The following ATE1 variants were observed in gnomAD, a reference collection of about 807,000 sequenced individuals.
ATE1 encodes the protein arginyltransferase 1.
A neutral mutation model predicts 70.5 loss-of-function variants in ATE1; 36 were observed. That is an observed-to-expected ratio of 0.51 (90% confidence interval 0.39 to 0.67). ATE1 has a LOEUF of 0.67. Among genes scored for constraint, ATE1 ranks in the 30% least tolerant of loss-of-function variants. The pLI, the probability that ATE1 is intolerant of heterozygous loss-of-function variation, is 0.00. For missense variants in ATE1, 593 were observed against 629.5 expected, an observed-to-expected ratio of 0.94 and a Z score of 0.62; for synonymous variants, 232 against 219.3, an observed-to-expected ratio of 1.06 and a Z score of -0.51.
At chr10:121,908,330 C>T (rs545771789) in intron 5 of ATE1, among the ~76,000 whole-genome samples, 109 of 152,184 alleles carry the variant, frequency 7.2e-4, no homozygotes, top group Admixed American at 2.1e-3. Flanking sequence ...ATGGCTAAAC[C>T]CCGTCTCTAC....
At chr10:121,762,548 T>C (rs1404775837) in intron 11 of ATE1, among the ~76,000 whole-genome samples, 1 of 152,190 alleles carries the variant, frequency 6.6e-6, no homozygotes, top group East Asian at 1.9e-4. Flanking sequence ...GTGGATTTTC[T>C]CAAGGTACTC....
intron 8 of ATE1, among the ~76,000 whole-genome samples, 159 bp from the exon 9 acceptor site, chr10:121,841,422 T>C (rs1227656807): frequency 6.6e-6 from 1 of 152,176 alleles, no homozygotes; most frequent in African/African-American, 2.4e-5. Context: ...TGCAAAACTT[T>C]TTCATCATAG....
chr10:121,861,942 G>A (rs1949488879), intron 8 of ATE1, among the ~76,000 whole-genome samples: 2 of 152,106 alleles, frequency 1.3e-5, no homozygotes, highest in African/African-American at 2.4e-5. Context: ...TCAGTACCAA[G>A]AGCAGAGTGC....
At chr10:121,781,635 C>T (rs1260132744) in intron 11 of ATE1, among the ~76,000 whole-genome samples, 1 of 152,184 alleles carries the variant, frequency 6.6e-6, no homozygotes, top group Non-Finnish European at 1.5e-5. Flanking sequence ...GAATGGAAGG[C>T]CGTGTTGCAA....
chr10:121,917,189 C>T (rs921048198), intron 3 of ATE1, among the ~76,000 whole-genome samples: 6 of 151,916 alleles, frequency 3.9e-5, no homozygotes, highest in South Asian at 2.1e-4. Context: ...CCAGGCTGAC[C>T]GTGATGCTTC....
chr10:121,923,049 A>G (rs937659014), intron 2 of ATE1, among the ~76,000 whole-genome samples: 5 of 152,132 alleles, frequency 3.3e-5, no homozygotes, highest in African/African-American at 1.2e-4. Context: ...ATAGCGCAAT[A>G]ACCTTTGAAC....
In ATE1 at chr10:121,864,602, TA is replaced by T. The variant is rs551238861; in HGVS notation, c.975+5403del. On this transcript the variant is annotated intron_variant, in intron 8 of 11. Coordinates refer to ENST00000224652, the MANE Select transcript of ATE1 (RefSeq NM_001001976.3). Reference sequence around the variant, plus strand: ...AGACCATTTATATTTAGTACCATCATAATCAGTAGGGTTGAATTTAAGTGGG... The same window carrying T: ...AGACCATTTATATTTAGTACCATCATATCAGTAGGGTTGAATTTAAGTGGG... Among the ~76,000 whole-genome samples, 9 of 152,368 alleles carry T rather than the reference TA, an allele frequency of 5.9e-5. No individual in the cohort carries two copies. The South Asian group carries it at 1.9e-3, about 32-fold the overall frequency.
intron 7 of ATE1, among the ~76,000 whole-genome samples, chr10:121,886,901 C>T (rs1950417439): frequency 6.6e-6 from 1 of 151,984 alleles, no homozygotes; most frequent in Admixed American, 6.6e-5. Flanking sequence ...CTCTAATACA[C>T]TGAATAATTT....
Position 121,841,254 on chromosome 10 carries a change from G to T in ATE1, c.985C>A (p.Pro329Thr), listed in dbSNP as rs143759967. 1.3e-6 allele frequency: 2 copies of T among 1,510,456 alleles called. No individual in the cohort carries two copies. The highest frequency in any genetic ancestry group is 1.9e-5 in the Admixed American group (1 of 53,872). 93.6% of individuals were successfully genotyped at this position (1,510,456 alleles called of 1,614,324 possible). The part of the protein sequence containing the change: ...LCSSPLEAET[P>T]PNGPDCGYGS... ...TAGCCACAATCTGGCCCATTAGGGG[G>T]AGTCTCTGCCTAAGAAAAAGCAGAG... is the stretch of plus-strand genomic sequence containing the variant. Residue 329 changes from proline (P) to threonine (T), a missense_variant, in exon 9 of 12, where the codon CCC becomes ACC. Pro to Thr is a conservative substitution (Grantham distance 38). Around this residue, in one of 3 missense-constraint regions of ATE1, gnomAD observed 467 missense variants for 469.6 expected, o/e 0.99. Transcript: ENST00000224652.
chr10:121,846,230 A>G (rs1948816695), intron 8 of ATE1, among the ~76,000 whole-genome samples: 1 of 152,194 alleles, frequency 6.6e-6, no homozygotes, highest in Non-Finnish European at 1.5e-5. Context: ...AGCCAGAACA[A>G]TCTGAGCAAC....
chr10:121,797,609 G>A (rs1304280978), intron 10 of ATE1, among the ~76,000 whole-genome samples: 3 of 145,094 alleles, frequency 2.1e-5, no homozygotes, highest in African/African-American at 7.7e-5. Flanking sequence ...AAAAAAATAC[G>A]AAGACATGGC....
intron 8 of ATE1, among the ~76,000 whole-genome samples, chr10:121,856,021 A>G (rs1949235219): frequency 6.7e-6 from 1 of 150,114 alleles, no homozygotes; most frequent in Non-Finnish European, 1.5e-5. Context: ...GACTGCAGTG[A>G]GCTGAGATCA....
At chr10:121,863,348 G>C (rs970934161) in intron 8 of ATE1, among the ~76,000 whole-genome samples, 10 of 151,018 alleles carry the variant, frequency 6.6e-5, no homozygotes, top group Non-Finnish European at 1.5e-4. Flanking sequence ...CCGCCTCCCG[G>C]GTTCAAGCGA....
intron 10 of ATE1, among the ~76,000 whole-genome samples, chr10:121,834,536 A>G (rs1327995383): frequency 2.0e-5 from 3 of 152,158 alleles, no homozygotes; most frequent in Admixed American, 6.5e-5. Context: ...TAAAATCTTT[A>G]ACTTAAAACT....
At chr10:121,867,451 G>A (rs1949701541) in intron 8 of ATE1, among the ~76,000 whole-genome samples, 1 of 152,204 alleles carries the variant, frequency 6.6e-6, no homozygotes, top group Admixed American at 6.5e-5. Context: ...GCTAAAATGA[G>A]AGCAAAGCAT....
chr10:121,815,848 T>TC (rs1947519954), intron 10 of ATE1, among the ~76,000 whole-genome samples: 1 of 152,148 alleles, frequency 6.6e-6, no homozygotes, highest in South Asian at 2.1e-4. Flanking sequence ...GCTAGATAAT[T>TC]CCCCCTTGCT....
chr10:121,812,990 T>G (rs993976485), intron 10 of ATE1, among the ~76,000 whole-genome samples: 3 of 152,244 alleles, frequency 2.0e-5, no homozygotes, highest in Non-Finnish European at 2.9e-5. Context: ...ACATTCTGTT[T>G]GTCACTGATA....
rs575140136 is a variant in ATE1, at chr10:121,795,274, A to T, written c.1258-4985T>A. Among the ~76,000 whole-genome samples, 265 of 152,292 alleles carry T rather than the reference A, an allele frequency of 1.7e-3. 1 individual carries two copies. The highest frequency in any genetic ancestry group is 5.7e-3 in the African/African-American group (235 of 41,564). On this transcript the variant is annotated intron_variant, in intron 10 of 11. Coordinates refer to ENST00000224652, the MANE Select transcript of ATE1 (RefSeq NM_001001976.3). ...AAAAAAATAAAAATAAAAATTTTTTAAAAAAAGAATATTTAGTCAATGAAC... is the reference window on the plus strand; with the variant it reads ...AAAAAAATAAAAATAAAAATTTTTTTAAAAAAGAATATTTAGTCAATGAAC...
intron 10 of ATE1, among the ~76,000 whole-genome samples, chr10:121,821,211 T>C (rs1271330203): frequency 6.6e-6 from 1 of 152,192 alleles, no homozygotes; most frequent in Non-Finnish European, 1.5e-5. Context: ...CCCAAAGTGC[T>C]GAGATTCCTG....
Sources: allele counts gnomAD v4.1 joint callset (sites outside exome capture counted in the v4.1 genomes callset), GRCh38; gene constraint gnomAD v4.1.1; regional missense constraint gnomAD v4.1.1; transcripts MANE v1.5; gene names NCBI Gene and HGNC (gene_info 2026-07-23, HGNC 2026-07-21).